ABLIM2: variants seen among roughly 807,000 people sequenced by gnomAD.
The protein encoded by ABLIM2 is actin-binding LIM protein 2.
ABLIM2 carries 53 observed loss-of-function variants against 97.7 expected under a neutral mutation model. The observed-to-expected ratio is 0.54, with a 90% CI of 0.44 to 0.68. The LOEUF (loss-of-function observed/expected upper bound fraction) is 0.68. Ranked by LOEUF, ABLIM2 falls within the 30% of genes least tolerant of loss-of-function variation. The pLI, the probability that ABLIM2 is intolerant of heterozygous loss-of-function variation, is 0.00. For missense variants in ABLIM2, 835 were observed against 867.2 expected, an observed-to-expected ratio of 0.96 and a Z score of 0.47; for synonymous variants, 361 against 345.8, an observed-to-expected ratio of 1.04 and a Z score of -0.49.
chr4:8,137,185 C>T (rs1218836036), intron 1 of ABLIM2, among the ~76,000 whole-genome samples: 1 of 152,252 alleles, frequency 6.6e-6, no homozygotes, highest in Non-Finnish European at 1.5e-5. Flanking sequence ...GACTCATACA[C>T]TGACCTGGGC....
rs960421241 is a variant in ABLIM2, at chr4:7,986,283, C to T, written c.1681-1390G>A. Among the ~76,000 whole-genome samples the T allele has an allele frequency of 2.0e-5, 3 of 152,106 alleles. No individual in the cohort carries two copies. Among genetic ancestry groups the T allele is most frequent in the Non-Finnish European group, 4.4e-5 (3 of 68,028 alleles). ...AAATCAGTGAGGAGCTGGTTACAGC[C>T]TAGAGAGCACGAGAGCAGGAAGACC... On this transcript the variant is annotated intron_variant, in intron 17 of 20. Coordinates refer to ENST00000447017, the MANE Select transcript of ABLIM2 (RefSeq NM_001130083.2). This position sits in a 1 kb window ranked among gnomAD's most constrained non-coding sequence, Gnocchi z 4.3.
intron 1 of ABLIM2, among the ~76,000 whole-genome samples, chr4:8,142,715 C>A (rs1442516030): frequency 6.6e-6 from 1 of 152,186 alleles, no homozygotes; most frequent in Non-Finnish European, 1.5e-5. Flanking sequence ...GCGGCCTTGC[C>A]CTTGATGGCC....
intron 3 of ABLIM2, among the ~76,000 whole-genome samples, chr4:8,091,440 T>TTATATATA (rs1827889534): frequency 5.3e-5 from 1 of 18,860 alleles, no homozygotes; most frequent in Non-Finnish European, 1.4e-4. Context: ...TATAATTAAT[T>TTATATATA]ATGTATTATA....
intron 1 of ABLIM2, among the ~76,000 whole-genome samples, chr4:8,126,405 G>A (rs1053384062): frequency 6.6e-6 from 1 of 151,730 alleles, no homozygotes; most frequent in African/African-American, 2.4e-5. Flanking sequence ...AGGGGTCTGG[G>A]CTGCCTCCCC....
intron 1 of ABLIM2, among the ~76,000 whole-genome samples, chr4:8,151,021 G>C (rs1030383997): frequency 2.6e-5 from 4 of 152,208 alleles, no homozygotes; most frequent in African/African-American, 9.7e-5. Context: ...CTCTCACTCA[G>C]CATCTCTGAG....
intron 8 of ABLIM2, among the ~76,000 whole-genome samples, chr4:8,048,444 G>A (rs1047989173): frequency 3.3e-5 from 5 of 152,104 alleles, no homozygotes; most frequent in African/African-American, 2.4e-5. Context: ...CTGCCATTAC[G>A]GTCACATGGT....
chr4:8,053,317 C>T (rs1797169052), intron 8 of ABLIM2, among the ~76,000 whole-genome samples: 1 of 152,232 alleles, frequency 6.6e-6, no homozygotes, highest in African/African-American at 2.4e-5. Flanking sequence ...CCAGACTGAA[C>T]CAATGTTCAT....
intron 8 of ABLIM2, among the ~76,000 whole-genome samples, chr4:8,047,986 A>G (rs6849076): frequency 0.36 from 55,323 of 152,220 alleles, 10,217 homozygotes; most frequent in Middle Eastern, 0.43. Context: ...CTCCCGAGGA[A>G]TGTTTCACAG....
In ABLIM2 at chr4:8,148,131, G is replaced by A. The variant is rs147169599; in HGVS notation, c.10+10549C>T. Among the ~76,000 whole-genome samples the A allele has an allele frequency of 3.3e-4, 50 of 152,308 alleles. No individual in the cohort carries two copies. The highest frequency in any genetic ancestry group is 7.7e-4 in the African/African-American group (32 of 41,566). ...AAAGCCCACCATGCGCACCTTCCCC[G>A]GCAGAGAAGGGGTTTGGAGTGGCAG... On this transcript the variant is annotated intron_variant, in intron 1 of 20. Coordinates refer to ENST00000447017, the MANE Select transcript of ABLIM2 (RefSeq NM_001130083.2). This position sits in a 1 kb window ranked among gnomAD's most constrained non-coding sequence, Gnocchi z 6.7.
At chr4:8,041,988 G>A (rs961718762) in intron 9 of ABLIM2, among the ~76,000 whole-genome samples, 4 of 152,168 alleles carry the variant, frequency 2.6e-5, no homozygotes, top group East Asian at 1.9e-4. Flanking sequence ...AGCAACAACA[G>A]CAACAGCAAC....
At chr4:8,062,034 C>T (rs1285184075) in intron 6 of ABLIM2, among the ~76,000 whole-genome samples, 1 of 151,770 alleles carries the variant, frequency 6.6e-6, no homozygotes, top group East Asian at 1.9e-4. Flanking sequence ...GGTGATAAGG[C>T]CGTGAATCTT....
chr4:8,026,848 ACCTG>A (rs1777731329), intron 12 of ABLIM2, among the ~76,000 whole-genome samples: 1 of 147,864 alleles, frequency 6.8e-6, no homozygotes, highest in Non-Finnish European at 1.5e-5. Context: ...GTGGCCTTTT[ACCTG>A]AGTGTGTGTG....
At chr4:8,018,831 T>C (rs1336989633) in intron 14 of ABLIM2, among the ~76,000 whole-genome samples, 3 of 152,344 alleles carry the variant, frequency 2.0e-5, no homozygotes, top group African/African-American at 7.2e-5. Context: ...CACAGCACTT[T>C]ACAGTTTAGA....
At chr4:7,976,858 CACGTATACATACATAA>C (rs1411855360) in intron 20 of ABLIM2, among the ~76,000 whole-genome samples, 2 of 151,912 alleles carry the variant, frequency 1.3e-5, no homozygotes, top group African/African-American at 4.8e-5. Flanking sequence ...TACACACATA[CACGTATACATACATAA>C]ACATACACAC....
At position 8,155,200 on chromosome 4, in the gene ABLIM2, C is replaced by G. The variant is rs139286509; in HGVS notation, c.10+3480G>C. On this transcript the variant is annotated intron_variant, in intron 1 of 20. Transcript: ENST00000447017. The surrounding 1 kb of genome is among the most constrained non-coding windows in gnomAD (Gnocchi z 4.2). ...TGAGATGGAACAGATGGCTCATATT[C>G]CATCACTGGCTTCCACGGTTTGGTG... Among the ~76,000 whole-genome samples the G allele has an allele frequency of 8.5e-4, 129 of 152,330 alleles. 1 individual carries two copies. The highest frequency in any genetic ancestry group is 6.8e-3 in the Middle Eastern group (2 of 294).
intron 14 of ABLIM2, among the ~76,000 whole-genome samples, chr4:8,014,757 T>C (rs1056850226): frequency 6.6e-6 from 1 of 152,176 alleles, no homozygotes; most frequent in African/African-American, 2.4e-5. Context: ...TTCTCCTCTC[T>C]TGAGTCAGAA....
intron 16 of ABLIM2, among the ~76,000 whole-genome samples, chr4:7,995,655 A>G (rs1233430485): frequency 6.6e-6 from 1 of 152,216 alleles, no homozygotes; most frequent in African/African-American, 2.4e-5. Context: ...AAGGTTCCAC[A>G]TGGGGGTCAG....
intron 2 of ABLIM2, among the ~76,000 whole-genome samples, chr4:8,104,734 C>T (rs534307522): frequency 6.6e-5 from 10 of 152,320 alleles, no homozygotes; most frequent in African/African-American, 1.9e-4. Flanking sequence ...CCAAGTGCCG[C>T]GCTGTGGCCT....
intron 1 of ABLIM2, among the ~76,000 whole-genome samples, chr4:8,118,470 G>C (rs1441421804): frequency 6.6e-6 from 1 of 152,186 alleles, no homozygotes; most frequent in Non-Finnish European, 1.5e-5. Context: ...CAGCATGATG[G>C]AGTCTCCAAG....
Sources: gnomAD v4.1 joint callset for allele counts (sites outside exome capture counted in the v4.1 genomes callset) on GRCh38, gnomAD v4.1.1 for gene constraint, Gnocchi (gnomAD v3.1) non-coding constraint, MANE v1.5 for transcripts, NCBI Gene and HGNC (gene_info 2026-07-23, HGNC 2026-07-21) for gene names.